Variants in TSHR observed in about 807,000 individuals in gnomAD.
TSHR encodes the protein thyroid stimulating hormone receptor.
In TSHR, 51 loss-of-function variants were observed where a neutral mutation model predicts 64.1. That is an observed-to-expected ratio of 0.80 (90% CI 0.64 to 1.01). The LOEUF (loss-of-function observed/expected upper bound fraction) is 1.01. Ranked by LOEUF, TSHR falls within the 50% of genes least tolerant of loss-of-function variation. The pLI, the probability that TSHR is intolerant of heterozygous loss-of-function variation, is 0.00. For missense variants in TSHR, 877 were observed against 942.8 expected (o/e 0.93, Z 0.91); for synonymous variants, 361 against 361.9 (o/e 1.00, Z 0.03).
intron 8 of TSHR, among the ~76,000 whole-genome samples, chr14:81,138,691 A>G (rs1344036173): frequency 6.6e-6 from 1 of 152,192 alleles, no homozygotes; most frequent in Non-Finnish European, 1.5e-5. Context: ...GCTAAGTCCA[A>G]TTACAACGAT....
chr14:81,015,106 A>G (rs1890117563), intron 1 of TSHR, among the ~76,000 whole-genome samples: 1 of 152,176 alleles, frequency 6.6e-6, no homozygotes, highest in Non-Finnish European at 1.5e-5. Context: ...AAACCTCACT[A>G]AGCCACATGT....
At position 81,104,487 on chromosome 14, in the gene TSHR, C is replaced by T. The variant is rs1889769280; in HGVS notation, c.615-3888C>T. 9 of 985,420 alleles carry T rather than the reference C, an allele frequency of 9.1e-6. No homozygotes were observed. The South Asian group carries it at 3.3e-4, about 36-fold the overall frequency. 61.0% of individuals were successfully genotyped at this position (985,420 alleles called of 1,614,324 possible). A position where few individuals can be genotyped will look rare whatever the true frequency, so the allele number is the denominator to read the frequency against. ...AATTCTCTTGCCACGACATCACACT[C>T]CTCTCTCTGGCATAGATCACGTCTT... is the stretch of plus-strand genomic sequence containing the variant. On this transcript the variant is annotated intron_variant, in intron 7 of 9. Coordinates refer to ENST00000298171, the MANE Select transcript of TSHR (RefSeq NM_000369.5).
chr14:81,126,560 G>A (rs1891028426), intron 8 of TSHR, among the ~76,000 whole-genome samples: 1 of 152,182 alleles, frequency 6.6e-6, no homozygotes, highest in African/African-American at 2.4e-5. Flanking sequence ...ACTTATTTAA[G>A]TAAGGGCTTT....
chr14:81,010,802 T>C (rs957560682), intron 1 of TSHR, among the ~76,000 whole-genome samples: 1 of 151,960 alleles, frequency 6.6e-6, no homozygotes, highest in Non-Finnish European at 1.5e-5. Flanking sequence ...TTTTGGTATA[T>C]GGCCAAAAGA....
At position 80,958,848 on chromosome 14, in the gene TSHR, C is replaced by A. The variant is rs926079832; in HGVS notation, c.170+2998C>A. Among the ~76,000 whole-genome samples, 13 of 152,046 alleles carry A rather than the reference C, an allele frequency of 8.6e-5. 1 individual carries two copies. Among genetic ancestry groups the A allele is most frequent in the Non-Finnish European group, 1.5e-5 (1 of 67,998 alleles). On this transcript the variant is annotated intron_variant, in intron 1 of 9. Coordinates refer to ENST00000298171, the MANE Select transcript of TSHR (RefSeq NM_000369.5). ...GTTTTGTATTATTCAGAGTGTACCT[C>A]TTTTTAAAGTTTTTGAAGAGCTTAC...
chr14:80,995,257 G>A (rs1888949330), intron 1 of TSHR: 1 of 152,166 alleles, frequency 6.6e-6, no homozygotes, highest in African/African-American at 2.4e-5. Context: ...TGCAGCCATT[G>A]TGGAAGACAA....
At chr14:81,108,729 T>G in intron 8 of TSHR, 2 of 1,613,110 alleles carry the variant, frequency 1.2e-6, no homozygotes, top group Non-Finnish European at 1.7e-6. Flanking sequence ...AGAGGCTCTG[T>G]TCATGGAGCA....
chr14:81,050,808 T>C (rs989899590), intron 1 of TSHR: 2 of 152,202 alleles, frequency 1.3e-5, no homozygotes, highest in African/African-American at 4.8e-5. Context: ...ACCTTACGTA[T>C]TTCTTTGTGA....
chr14:81,064,937 A>C (rs1434204708), intron 2 of TSHR, among the ~76,000 whole-genome samples: 1 of 152,192 alleles, frequency 6.6e-6, no homozygotes, highest in Non-Finnish European at 1.5e-5. Context: ...GTCACTTTTT[A>C]CATCATAACG....
intron 5 of TSHR, 86 bp from the exon 6 acceptor site, chr14:81,092,432 ATATTGTGTCCTGT>A: frequency 9.4e-7 from 1 of 1,059,858 alleles, no homozygotes. Context: ...AGATTAAGCT[ATATTGTGTCCTGT>A]TATTTAAGTG....
intron 1 of TSHR, chr14:81,052,193 A>G (rs2139869249): frequency 6.6e-6 from 1 of 152,274 alleles, no homozygotes; most frequent in Middle Eastern, 3.4e-3. Context: ...TACATTTAAG[A>G]GTCTCACCCA....
intron 3 of TSHR, among the ~76,000 whole-genome samples, chr14:81,080,665 T>C (rs1052162946): frequency 5.3e-5 from 8 of 151,998 alleles, no homozygotes; most frequent in Admixed American, 1.3e-4. Flanking sequence ...CAGTTACATA[T>C]GGAATGTTAA....
At chr14:81,064,595 C>T (rs1886473375) in intron 2 of TSHR, among the ~76,000 whole-genome samples, 1 of 152,026 alleles carries the variant, frequency 6.6e-6, no homozygotes, top group South Asian at 2.1e-4. Context: ...ATGGAGTTTC[C>T]ATTTGAATGG....
chr14:81,142,687 C>A (rs954396916), intron 9 of TSHR, among the ~76,000 whole-genome samples: 3 of 149,080 alleles, frequency 2.0e-5, no homozygotes, highest in Admixed American at 1.3e-4. Context: ...CGCCTCACTG[C>A]AGCTTTGACC....
intron 8 of TSHR, among the ~76,000 whole-genome samples, chr14:81,115,461 G>A (rs1288689652): frequency 2.1e-5 from 3 of 144,270 alleles, no homozygotes; most frequent in South Asian, 2.4e-4. Context: ...GAAATGAAGC[G>A]AGAAGGGAAG....
intron 7 of TSHR, among the ~76,000 whole-genome samples, chr14:81,096,923 GGTGTGT>G (rs147149121): frequency 6.7e-6 from 1 of 148,406 alleles, no homozygotes; most frequent in South Asian, 2.2e-4. Flanking sequence ...TTTTCTCCCT[GGTGTGT>G]GTGTGTGTGT....
At chr14:81,076,556 T>C (rs889290993) in intron 3 of TSHR, among the ~76,000 whole-genome samples, 1 of 152,204 alleles carries the variant, frequency 6.6e-6, no homozygotes, top group Non-Finnish European at 1.5e-5. Context: ...CTGTGTATGT[T>C]GAGCCAATAA....
In TSHR at chr14:81,145,294, T is replaced by G. The variant is rs1891886494; in HGVS notation, c.*941T>G. ...TTCCCTCAAATATATATTTCTAAGA[T>G]AAAGAGAAAGAAGAGCACTAAGTAA... On this transcript the variant is annotated 3_prime_UTR_variant, in exon 10 of 10. Transcript: ENST00000298171. 1 of 233,102 alleles carries G rather than the reference T, an allele frequency of 4.3e-6. No individual in the cohort carries two copies. The highest frequency in any genetic ancestry group is 6.1e-5 in the East Asian group (1 of 16,520). The allele number at this position is 233,102 out of a possible 1,614,324, so 14.4% of individuals were successfully genotyped here.
chr14:81,091,022 T>C (rs1359964162), intron 4 of TSHR, 47 bp from the exon 5 acceptor site: 1 of 1,526,516 alleles, frequency 6.6e-7, no homozygotes, highest in South Asian at 1.1e-5. Context: ...TGTTGATTTT[T>C]TTACCTAAAT....
Sources: gnomAD v4.1 joint callset for allele counts (sites outside exome capture counted in the v4.1 genomes callset) on GRCh38, gnomAD v4.1.1 for gene constraint, MANE v1.5 for transcripts, NCBI Gene and HGNC (gene_info 2026-07-23, HGNC 2026-07-21) for gene names.